HIC1: variants seen among roughly 807,000 people sequenced by gnomAD.
HIC1 encodes hypermethylated in cancer 1 protein.
HIC1 carries 9 observed loss-of-function variants against 26.4 expected under a neutral mutation model. The observed-to-expected ratio is 0.34, with a 90% CI of 0.21 to 0.59. The LOEUF (loss-of-function observed/expected upper bound fraction) is 0.59. HIC1 is among the 20% of genes least tolerant of loss of function. The pLI is 0.82. For synonymous variants in HIC1, 631 were observed against 523.1 expected, an observed-to-expected ratio of 1.21 and a Z score of -2.81; for missense variants, 965 against 1,075.7, an observed-to-expected ratio of 0.90 and a Z score of 1.44.
chr17:2,056,603 G>GT, intron 1 of HIC1, 68 bp from the exon 2 acceptor site: 1 of 1,463,970 alleles, frequency 6.8e-7, no homozygotes, highest in Non-Finnish European at 9.0e-7. Context: ...GAGGGGAGAA[G>GT]TGCCGGGCTG....
rs752351431 is a variant in HIC1, at chr17:2,057,311, C to A, written c.621C>A (p.Ala207=). The A allele has an allele frequency of 2.0e-6, 3 of 1,502,028 alleles. No individual in the cohort carries two copies. Among genetic ancestry groups the A allele is most frequent in the South Asian group, 2.5e-5 (2 of 81,214 alleles). 93.0% of individuals were successfully genotyped at this position (1,502,028 alleles called of 1,614,324 possible). ...TGTACGCGTCGGGACCCGGCCCGGC[C>A]GCCGCACTCTGTGCCTCGGAGCGCC... ...AELYASGPGP[A]AALCASERRC... Residue 207 remains alanine (A), a synonymous_variant, in exon 2 of 2, where the codon GCC becomes GCA. Transcript: ENST00000619757.
rs1161529147 is a variant in HIC1 at position 2,057,711 on chromosome 17, G to A, written c.1021G>A (p.Gly341Ser). 6.8e-7 allele frequency: 1 copy of A among 1,463,792 alleles called. No individual in the cohort carries two copies. The highest frequency in any genetic ancestry group is 9.0e-7 in the Non-Finnish European group (1 of 1,113,092). 90.7% of individuals were successfully genotyped at this position (1,463,792 alleles called of 1,614,324 possible). ...GSPSERCEER[G>S]GDAAVSPGGP... The stretch of plus-strand genomic sequence containing the variant: ...CCCCAGCGAGCGCTGCGAAGAGCGT[G>A]GTGGGGACGCGGCCGTCTCGCCCGG... The change falls in exon 2 of 2, where the codon GGT becomes AGT. Residue 341 changes from glycine (G) to serine (S), a missense_variant. This residue lies in a region of HIC1 where 526 missense variants were observed against 525.0 expected (regional missense o/e 1.00). Transcript: ENST00000619757.
rs949237202 is a variant in HIC1 at position 2,055,923 on chromosome 17, G to A, written c.-21+685G>A. Among the ~76,000 whole-genome samples the A allele has an allele frequency of 6.6e-6, 1 of 150,644 alleles. No homozygotes were observed. Among genetic ancestry groups the A allele is most frequent in the Non-Finnish European group, 1.5e-5 (1 of 67,498 alleles). ...CAGGCCGAGGCCGGGACGCGGGTGG[G>A]GCGCAGGCCCGGGTCAGGGCCGCAG... is the stretch of plus-strand genomic sequence containing the variant. On this transcript the variant is annotated intron_variant, in intron 1 of 1. Coordinates refer to ENST00000619757, the MANE Select transcript of HIC1 (RefSeq NM_006497.4). This position sits in a 1 kb window ranked among gnomAD's most constrained non-coding sequence, Gnocchi z 6.4.
chr17:2,057,566 C>T lies in HIC1; in HGVS notation c.876C>T (p.Ser292=), dbSNP rs2067684297. 6.7e-7 allele frequency: 1 copy of T among 1,502,878 alleles called. No homozygotes were observed. Among genetic ancestry groups the T allele is most frequent in the Non-Finnish European group, 8.8e-7 (1 of 1,131,276 alleles). 93.1% of individuals were successfully genotyped at this position (1,502,878 alleles called of 1,614,324 possible). The change falls in exon 2 of 2, where the codon AGC becomes AGT. Residue 292 remains serine (S), a synonymous_variant. Coordinates refer to ENST00000619757, the MANE Select transcript of HIC1 (RefSeq NM_006497.4). ...CTTCCGACCCATTTCGCGGCGGCAGCGGCAGCCCGGGACCCGAGCCCCCCG... is the reference window on the plus strand; with the variant it reads ...CTTCCGACCCATTTCGCGGCGGCAGTGGCAGCCCGGGACCCGAGCCCCCCG... The part of the protein sequence containing the change: ...APPSDPFRGG[S]GSPGPEPPGR...
At position 2,057,995 on chromosome 17, in the gene HIC1, G is replaced by GCACGTGGAGGCT; in HGVS notation, c.1316_1327dup (p.Ala439_Glu442dup). The stretch of plus-strand genomic sequence containing the variant: ...TCCCCAGCTCTGAGCAGCTGAACGC[G>GCACGTGGAGGCT]CACGTGGAGGCTCACGTGGAGGAGG... On this transcript the variant is annotated inframe_insertion, in exon 2 of 2. Transcript: ENST00000619757. 3 of 1,606,838 alleles carry GCACGTGGAGGCT rather than the reference G, an allele frequency of 1.9e-6. No individual in the cohort carries two copies. Among genetic ancestry groups the GCACGTGGAGGCT allele is most frequent in the South Asian group, 1.1e-5 (1 of 90,208 alleles).
At position 2,055,826 on chromosome 17, in the gene HIC1, G is replaced by C. The variant is rs1331168047; in HGVS notation, c.-21+588G>C. ...TGGAAAACTTTTCCCCAAGTTTGGG[G>C]CGGCGGAGTTCCGGGGGAGAAGGGG... On this transcript the variant is annotated intron_variant, in intron 1 of 1. Transcript: ENST00000619757. The surrounding 1 kb of genome is among the most constrained non-coding windows in gnomAD (Gnocchi z 6.4). Among the ~76,000 whole-genome samples, 1 of 151,678 alleles carries C rather than the reference G, an allele frequency of 6.6e-6. No individual in the cohort carries two copies. Among genetic ancestry groups the C allele is most frequent in the Non-Finnish European group, 1.5e-5 (1 of 67,878 alleles).
At position 2,061,468 on chromosome 17, in the gene HIC1, G is replaced by GA; in HGVS notation, c.*2633_*2634insA. 3.2e-6 allele frequency: 5 copies of GA among 1,565,298 alleles called. No individual in the cohort carries two copies. Among genetic ancestry groups the GA allele is most frequent in the Middle Eastern group, 1.9e-4 (1 of 5,248 alleles). ...TGGCCTTTCAGGAACGGTTCCACGG[G>GA]GGGGGGGCCCCAGTGTGGCTCCCTC... On this transcript the variant is annotated 3_prime_UTR_variant, in exon 2 of 2. Coordinates refer to ENST00000619757, the MANE Select transcript of HIC1 (RefSeq NM_006497.4).
Position 2,059,194 on chromosome 17 carries a change from C to G in HIC1, c.*359C>G, listed in dbSNP as rs1015664370. ...GGTGTCACTGTCGGGGCACTCCTAGCCCTACCTCCGGCCCTTGCGACCACA... is the reference window on the plus strand; with the variant it reads ...GGTGTCACTGTCGGGGCACTCCTAGGCCTACCTCCGGCCCTTGCGACCACA... On this transcript the variant is annotated 3_prime_UTR_variant, in exon 2 of 2. Coordinates refer to ENST00000619757, the MANE Select transcript of HIC1 (RefSeq NM_006497.4). 6 of 236,406 alleles carry G rather than the reference C, an allele frequency of 2.5e-5. No individual in the cohort carries two copies. The highest frequency in any genetic ancestry group is 4.4e-5 in the Non-Finnish European group (5 of 113,794). 14.6% of individuals were successfully genotyped at this position (236,406 alleles called of 1,614,324 possible).
Position 2,061,305 on chromosome 17 carries a change from G to T in HIC1, c.*2470G>T. 1 of 610,852 alleles carries T rather than the reference G, an allele frequency of 1.6e-6. No homozygotes were observed. Among genetic ancestry groups the T allele is most frequent in the Non-Finnish European group, 2.8e-6 (1 of 359,454 alleles). The allele number at this position is 610,852 out of a possible 1,614,324, so 37.8% of individuals were successfully genotyped here. On this transcript the variant is annotated 3_prime_UTR_variant, in exon 2 of 2. Transcript: ENST00000619757. ...AGGAGGGTCCCAGCAGCTTCCGCCC[G>T]ATCCTTGGGAGGGGCTCTGTGAGGA...
Position 2,062,440 on chromosome 17 carries a change from G to T in HIC1, c.*3605G>T, listed in dbSNP as rs2067810189. ...CATGATCATATTAGCCACACTTTCA[G>T]AGTATATACTTAAAAGGTCTTGCTA... On this transcript the variant is annotated 3_prime_UTR_variant, in exon 2 of 2. Transcript: ENST00000619757. 1 of 151,886 alleles carries T rather than the reference G, an allele frequency of 6.6e-6. No individual in the cohort carries two copies. Among genetic ancestry groups the T allele is most frequent in the African/African-American group, 2.4e-5 (1 of 41,336 alleles). 9.4% of individuals were successfully genotyped at this position (151,886 alleles called of 1,614,324 possible). A position where few individuals can be genotyped will look rare whatever the true frequency, so the allele number is the denominator to read the frequency against.
chr17:2,058,870 G>A lies in HIC1; in HGVS notation c.*35G>A, dbSNP rs759999898. On this transcript the variant is annotated 3_prime_UTR_variant, in exon 2 of 2. Transcript: ENST00000619757. ...CGCCAGCCCGCTCTGTCGCTGCTGC[G>A]CGGCCCTGGCCCGCACCCCAGGGAG... 2.3e-5 allele frequency: 33 copies of A among 1,406,176 alleles called. No individual in the cohort carries two copies. The East Asian group carries it at 3.3e-4, about 14-fold the overall frequency. The allele number at this position is 1,406,176 out of a possible 1,614,324, so 87.1% of individuals were successfully genotyped here.
In HIC1 at chr17:2,056,738, G is replaced by A. The variant is rs572505581; in HGVS notation, c.48G>A (p.Leu16=). 6.2e-7 allele frequency: 1 copy of A among 1,610,996 alleles called. No individual in the cohort carries two copies. The highest frequency in any genetic ancestry group is 1.3e-5 in the African/African-American group (1 of 75,036). ...EAPGHSRQLL[L]QLNNQRTKGF... is the part of the protein sequence containing the mutation. ...CCGGCCACTCCAGGCAGCTGCTGCTGCAGCTCAACAACCAGCGCACCAAGG... is the reference window on the plus strand; with the variant it reads ...CCGGCCACTCCAGGCAGCTGCTGCTACAGCTCAACAACCAGCGCACCAAGG... Residue 16 remains leucine, a synonymous_variant, in exon 2 of 2, where the codon CTG becomes CTA. Transcript: ENST00000619757.
In HIC1 at chr17:2,062,145, G is replaced by A. The variant is rs1276054498; in HGVS notation, c.*3310G>A. 2 of 154,582 alleles carry A rather than the reference G, an allele frequency of 1.3e-5. No homozygotes were observed. Among genetic ancestry groups the A allele is most frequent in the Non-Finnish European group, 2.9e-5 (2 of 69,572 alleles). The allele number at this position is 154,582 out of a possible 1,614,324, so 9.6% of individuals were successfully genotyped here. A position where few individuals can be genotyped will look rare whatever the true frequency, so the allele number is the denominator to read the frequency against. ...GGAGAGGGGTTAAGGGAGCCCTGAG[G>A]AGAGGAGAGGGTAAGGGTCTTGGCA... On this transcript the variant is annotated 3_prime_UTR_variant, in exon 2 of 2. Transcript: ENST00000619757.
At position 2,058,937 on chromosome 17, in the gene HIC1, C is replaced by A; in HGVS notation, c.*102C>A. 2 of 1,065,698 alleles carry A rather than the reference C, an allele frequency of 1.9e-6. No homozygotes were observed. The highest frequency in any genetic ancestry group is 2.5e-6 in the Non-Finnish European group (2 of 791,394). The allele number at this position is 1,065,698 out of a possible 1,614,324, so 66.0% of individuals were successfully genotyped here. A position where few individuals can be genotyped will look rare whatever the true frequency, so the allele number is the denominator to read the frequency against. ...CAGGGCCCACTGTGCCCGGGACAAC[C>A]GCAGCGTCGCCACAGTGGCGGCTCC... is the stretch of plus-strand genomic sequence containing the variant. On this transcript the variant is annotated 3_prime_UTR_variant, in exon 2 of 2. Transcript: ENST00000619757.
At position 2,058,057 on chromosome 17, in the gene HIC1, T is replaced by C. The variant is rs2067691550; in HGVS notation, c.1367T>C (p.Val456Ala). The change falls in exon 2 of 2, where the codon GTG (valine) becomes GCG (alanine). Residue 456 changes from valine to alanine, a missense_variant. Around this residue, in one of 6 missense-constraint regions of HIC1, gnomAD observed 105 missense variants for 101.4 expected, o/e 1.04. Transcript: ENST00000619757. The stretch of plus-strand genomic sequence containing the variant: ...TACGGCAGGGCCGAGGCGGCCGAAG[T>C]GGCCGCTGGGGCCGCCGGCCTAGGG... ...ALYGRAEAAE[V>A]AAGAAGLGPP... 1 of 1,583,106 alleles carries C rather than the reference T, an allele frequency of 6.3e-7. No individual in the cohort carries two copies. The highest frequency in any genetic ancestry group is 8.6e-7 in the Non-Finnish European group (1 of 1,166,912).
Position 2,059,072 on chromosome 17 carries a change from A to G in HIC1, c.*237A>G, listed in dbSNP as rs1162791417. On this transcript the variant is annotated 3_prime_UTR_variant, in exon 2 of 2. Coordinates refer to ENST00000619757, the MANE Select transcript of HIC1 (RefSeq NM_006497.4). ...GGTAAGGGAAATTTATATTTTTGATATCAGCTTTGACCAAAGGAGACCCCA... is the reference window on the plus strand; with the variant it reads ...GGTAAGGGAAATTTATATTTTTGATGTCAGCTTTGACCAAAGGAGACCCCA... 5 of 456,888 alleles carry G rather than the reference A, an allele frequency of 1.1e-5. No individual in the cohort carries two copies. The highest frequency in any genetic ancestry group is 1.0e-4 in the African/African-American group (5 of 48,282). The allele number at this position is 456,888 out of a possible 1,614,324, so 28.3% of individuals were successfully genotyped here.
chr17:2,058,807 G>C lies in HIC1; in HGVS notation c.2117G>C (p.Arg706Pro). 1 of 1,499,006 alleles carries C rather than the reference G, an allele frequency of 6.7e-7. No individual in the cohort carries two copies. The highest frequency in any genetic ancestry group is 8.8e-7 in the Non-Finnish European group (1 of 1,130,894). The allele number at this position is 1,499,006 out of a possible 1,614,324, so 92.9% of individuals were successfully genotyped here. A position where few individuals can be genotyped will look rare whatever the true frequency, so the allele number is the denominator to read the frequency against. The stretch of plus-strand genomic sequence containing the variant: ...CACCTGGCGGCCGGGCCCGACGGCC[G>C]GACCATCGACCGTTTCTCTCCCACC... The part of the protein sequence containing the change: ...GAHLAAGPDG[R>P]TIDRFSPT Residue 706 changes from arginine to proline, a missense_variant, in exon 2 of 2, where the codon CGG becomes CCG. Physicochemically the swap from Arg to Pro is moderately radical, Grantham distance 103. This residue lies in a region of HIC1 where 210 missense variants were observed against 179.2 expected (regional missense o/e 1.17). Coordinates refer to ENST00000619757, the MANE Select transcript of HIC1 (RefSeq NM_006497.4).
chr17:2,056,001 C>T (rs1037425006), intron 1 of HIC1, among the ~76,000 whole-genome samples: 2 of 88,904 alleles, frequency 2.2e-5, no homozygotes, highest in African/African-American at 4.2e-5. Flanking sequence ...CCCCTGGGAG[C>T]TGCGTGGCTC....
In HIC1 at chr17:2,056,847, C is replaced by T. The variant is rs1439715958; in HGVS notation, c.157C>T (p.Leu53Phe). Residue 53 changes from leucine (L) to phenylalanine (F), a missense_variant, in exon 2 of 2, where the codon CTC becomes TTC. Leu to Phe is a conservative substitution (Grantham distance 22). This residue lies in a region of HIC1 where 64 missense variants were observed against 114.0 expected (regional missense o/e 0.56). Coordinates refer to ENST00000619757, the MANE Select transcript of HIC1 (RefSeq NM_006497.4). ...KNVLAASSAY[L>F]KSLVVHDNLL... The stretch of plus-strand genomic sequence containing the variant: ...CGTGCTGGCGGCCAGCAGCGCCTAC[C>T]TCAAGTCCCTGGTGGTGCATGACAA... 3.7e-6 allele frequency: 6 copies of T among 1,612,954 alleles called. No homozygotes were observed. The highest frequency in any genetic ancestry group is 5.1e-6 in the Non-Finnish European group (6 of 1,179,936).
Sources: allele counts gnomAD v4.1 joint callset (sites outside exome capture counted in the v4.1 genomes callset), GRCh38; gene constraint gnomAD v4.1.1; regional missense constraint gnomAD v4.1.1; non-coding constraint Gnocchi (gnomAD v3.1); transcripts MANE v1.5; gene names NCBI Gene and HGNC (gene_info 2026-07-23, HGNC 2026-07-21).